The following TRPM7 variants were observed in gnomAD, a reference collection of about 807,000 sequenced individuals.
TRPM7 encodes the protein transient receptor potential cation channel subfamily M member 7.
A neutral mutation model predicts 229.7 loss-of-function variants in TRPM7; 134 were observed. The ratio of observed to expected loss-of-function variants is 0.58; its 90% confidence interval spans 0.51 to 0.67. TRPM7 has a LOEUF of 0.67. TRPM7 is among the 30% of genes least tolerant of loss of function. The pLI, the probability that TRPM7 is intolerant of heterozygous loss-of-function variation, is 0.00. For synonymous variants in TRPM7, 699 were observed against 715.2 expected (o/e 0.98, Z 0.36); for missense variants, 1,901 against 2,210.0 (o/e 0.86, Z 2.80).
At chr15:50,564,674 A>T (rs1596043917) in intron 38 of TRPM7, among the ~76,000 whole-genome samples, 1 of 152,190 alleles carries the variant, frequency 6.6e-6, no homozygotes, top group Admixed American at 6.5e-5. Context: ...TACTCAGAAT[A>T]TGAACTAATT....
At chr15:50,590,918 A>C in intron 26 of TRPM7, among the ~76,000 whole-genome samples, 1 of 152,166 alleles carries the variant, frequency 6.6e-6, no homozygotes, top group South Asian at 2.1e-4. Flanking sequence ...AAGTAATATC[A>C]ACATGTTTAG....
chr15:50,632,217 C>T (rs2060759255), intron 9 of TRPM7, among the ~76,000 whole-genome samples: 1 of 151,688 alleles, frequency 6.6e-6, no homozygotes, highest in South Asian at 2.1e-4. Flanking sequence ...CGCTTGCACC[C>T]GGGAGACAGA....
intron 28 of TRPM7, among the ~76,000 whole-genome samples, chr15:50,585,457 T>C (rs2054655077): frequency 6.6e-6 from 1 of 152,240 alleles, no homozygotes; most frequent in Non-Finnish European, 1.5e-5. Flanking sequence ...TCTTGGGCTT[T>C]CAATAGTTCA....
Position 50,585,228 on chromosome 15 carries a change from AT to A in TRPM7, c.4486+1163del, listed in dbSNP as rs2054640275. On this transcript the variant is annotated intron_variant, in intron 28 of 38. Transcript: ENST00000646667. Reference sequence around the variant, plus strand: ...AGGCGCCCGCCACCGCGCCCGGCTAATTTTTTGTATTTTTAGTAGAGACGGG... The same window carrying A: ...AGGCGCCCGCCACCGCGCCCGGCTAATTTTTGTATTTTTAGTAGAGACGGG... 2.0e-5 allele frequency among the ~76,000 whole-genome samples: 3 copies of A among 151,906 alleles called. No individual in the cohort carries two copies. In the South Asian group the frequency reaches 6.2e-4, roughly 32 times the overall value.
At chr15:50,570,677 TAAAA>T (rs149970874) in intron 36 of TRPM7, among the ~76,000 whole-genome samples, 17 of 91,726 alleles carry the variant, frequency 1.9e-4, no homozygotes, top group African/African-American at 6.6e-4. Flanking sequence ...ACTTCATTCC[TAAAA>T]AAAAAAAAAA....
At chr15:50,636,147 GA>G (rs918080436) in intron 7 of TRPM7, among the ~76,000 whole-genome samples, 57 of 134,186 alleles carry the variant, frequency 4.2e-4, no homozygotes, top group African/African-American at 7.1e-4. Flanking sequence ...AGAGAAAATG[GA>G]AAAAAAAAAG....
chr15:50,577,165 G>A (rs1161126970), intron 31 of TRPM7, among the ~76,000 whole-genome samples: 3 of 151,530 alleles, frequency 2.0e-5, no homozygotes, highest in Non-Finnish European at 2.9e-5. Context: ...GTGTGGGGGG[G>A]TAATTAAAAG....
At chr15:50,579,588 C>T (rs969529741) in intron 30 of TRPM7, among the ~76,000 whole-genome samples, 8 of 152,028 alleles carry the variant, frequency 5.3e-5, no homozygotes, top group Non-Finnish European at 8.8e-5. Flanking sequence ...TGTTAGACAC[C>T]GGAATTAACA....
Position 50,561,619 on chromosome 15 carries a change from G to C in TRPM7, c.*59C>G. ...CAAACAATTTCCTCCCGAGGGAAAA[G>C]TGACACAGTAACATTTCTGTGAGGT... On this transcript the variant is annotated 3_prime_UTR_variant, in exon 39 of 39. Coordinates refer to ENST00000646667, the MANE Select transcript of TRPM7 (RefSeq NM_017672.6). 3.8e-6 allele frequency: 6 copies of C among 1,585,988 alleles called. No homozygotes were observed. The highest frequency in any genetic ancestry group is 5.1e-6 in the Non-Finnish European group (6 of 1,168,976).
intron 1 of TRPM7, among the ~76,000 whole-genome samples, chr15:50,679,511 A>ATATATATGTGTATATATATTATATAT (rs2062184777): frequency 4.0e-5 from 3 of 75,438 alleles, no homozygotes; most frequent in African/African-American, 2.1e-4. Flanking sequence ...GTATATATAT[A>ATATATATGTGTATATATATTATATAT]ATATATATAT....
intron 10 of TRPM7, among the ~76,000 whole-genome samples, 186 bp downstream of exon 10, chr15:50,631,231 C>T (rs2060719774): frequency 6.6e-6 from 1 of 152,146 alleles, no homozygotes. Context: ...TTAAAAGTTA[C>T]CTTGCCGCCA....
rs1440433121 is a variant in TRPM7 at position 50,557,462 on chromosome 15, G to GA, written c.*4215dup. The GA allele has an allele frequency of 2.0e-5, 3 of 152,066 alleles. No individual in the cohort carries two copies. Among genetic ancestry groups the GA allele is most frequent in the African/African-American group, 7.2e-5 (3 of 41,388 alleles). 9.4% of individuals were successfully genotyped at this position (152,066 alleles called of 1,614,324 possible). On this transcript the variant is annotated 3_prime_UTR_variant, in exon 39 of 39. Transcript: ENST00000646667. ...CAACATAGTCTGACTTGAGAGTGGG[G>GA]AAAGTGGAACAAGGGAGTAATTTTT...
rs750162818 is a variant in TRPM7, at chr15:50,594,483, G to T, written c.3421C>A (p.Leu1141Met). The T allele has an allele frequency of 6.2e-7, 1 of 1,613,144 alleles. No homozygotes were observed. The highest frequency in any genetic ancestry group is 1.7e-5 in the Admixed American group (1 of 59,908). ...CTTCTCTTACATATGCAGCAAAACA[G>T]AGAAACTATATGGCTAAGAATGATA... ...PLIILSHIVS[L>M]FCCICKRRKK... The change falls in exon 24 of 39, where the codon CTG (leucine) becomes ATG (methionine). Residue 1141 changes from leucine (L) to methionine (M), a missense_variant. Around this residue, in one of 8 missense-constraint regions of TRPM7, gnomAD observed 533 missense variants for 497.1 expected, o/e 1.07. Transcript: ENST00000646667.
At chr15:50,604,399 CCT>C (rs2059865626) in intron 21 of TRPM7, 1 of 152,132 alleles carries the variant, frequency 6.6e-6, no homozygotes, top group Admixed American at 6.6e-5. Context: ...ATGGTGAAAC[CCT>C]GTCTCTACTA....
rs984894694 is a variant in TRPM7, at chr15:50,557,594, A to T, written c.*4084T>A. The T allele has an allele frequency of 1.3e-5, 2 of 152,254 alleles. No homozygotes were observed. Among genetic ancestry groups the T allele is most frequent in the Non-Finnish European group, 2.9e-5 (2 of 68,040 alleles). The allele number at this position is 152,254 out of a possible 1,614,324, so 9.4% of individuals were successfully genotyped here. ...TTACTTGTAAAATAATAGCATACATATATCGACAGACTGAAGAAGGTATAC... is the reference window on the plus strand; with the variant it reads ...TTACTTGTAAAATAATAGCATACATTTATCGACAGACTGAAGAAGGTATAC... On this transcript the variant is annotated 3_prime_UTR_variant, in exon 39 of 39. Transcript: ENST00000646667.
chr15:50,583,580 G>GTTTTT (rs3077872), intron 28 of TRPM7, among the ~76,000 whole-genome samples: 2 of 136,838 alleles, frequency 1.5e-5, no homozygotes, highest in Admixed American at 7.3e-5. Context: ...TTAGAGTTTT[G>GTTTTT]TTTTTTTTTT....
At chr15:50,602,979 T>C (rs2059820115) in intron 21 of TRPM7, among the ~76,000 whole-genome samples, 1 of 152,204 alleles carries the variant, frequency 6.6e-6, no homozygotes, top group Admixed American at 6.5e-5. Flanking sequence ...AATAACCTGG[T>C]AAGCATAAGA....
At chr15:50,596,811 C>T (rs906716215) in intron 22 of TRPM7, among the ~76,000 whole-genome samples, 2 of 152,096 alleles carry the variant, frequency 1.3e-5, no homozygotes, top group Admixed American at 6.6e-5. Flanking sequence ...AGTGCAGTGG[C>T]GCGATCTCGG....
At chr15:50,581,498 C>T (rs888247564) in intron 29 of TRPM7, among the ~76,000 whole-genome samples, 3 of 122,158 alleles carry the variant, frequency 2.5e-5, no homozygotes, top group East Asian at 2.6e-4. Context: ...GACTCCATCT[C>T]GAAAAAAAAA....
Sources: allele counts gnomAD v4.1 joint callset (sites outside exome capture counted in the v4.1 genomes callset), GRCh38; gene constraint gnomAD v4.1.1; regional missense constraint gnomAD v4.1.1; transcripts MANE v1.5; gene names NCBI Gene and HGNC (gene_info 2026-07-23, HGNC 2026-07-21).